The following RUFY4 variants were observed in gnomAD, a reference collection of about 807,000 sequenced individuals.
The protein encoded by RUFY4 is RUN and FYVE domain-containing protein 4.
Under a neutral mutation model 69.0 loss-of-function variants are expected in RUFY4, and 73 were observed. The ratio of observed to expected loss-of-function variants is 1.06; its 90% CI spans 0.88 to 1.29. The LOEUF (loss-of-function observed/expected upper bound fraction) is 1.29, where lower values mean the gene tolerates loss of function less well. RUFY4 is among the 50% of genes most tolerant of loss of function. The pLI, the probability that RUFY4 is intolerant of heterozygous loss-of-function variation, is 0.00. For synonymous variants in RUFY4, 287 were observed against 271.8 expected (o/e 1.06, Z -0.55); for missense variants, 770 against 705.6 (o/e 1.09, Z -1.03).
At chr2:218,053,295 A>G (rs969185875) in intron 2 of RUFY4, among the ~76,000 whole-genome samples, 1 of 152,018 alleles carries the variant, frequency 6.6e-6, no homozygotes, top group Non-Finnish European at 1.5e-5. Context: ...GGCTTATTTA[A>G]TATGTTTAAT....
upstream of RUFY4, among the ~76,000 whole-genome samples, chr2:218,064,617 T>G (rs1282884947): frequency 6.6e-6 from 1 of 152,020 alleles, no homozygotes; most frequent in Non-Finnish European, 1.5e-5. Context: ...AGGTGCAACT[T>G]GAGGCCAAGT....
exon 1 of RUFY4, chr2:218,070,616 A>G: frequency 6.5e-7 from 1 of 1,537,624 alleles, no homozygotes. Flanking sequence ...ATGGCAGAAG[A>G]GGGAGCCATC....
intron 8 of RUFY4, among the ~76,000 whole-genome samples, chr2:218,079,641 C>T (rs1289719017): frequency 1.3e-5 from 2 of 152,118 alleles, no homozygotes; most frequent in African/African-American, 4.8e-5. Flanking sequence ...ACAGCTGACC[C>T]TGAGGCTCAG....
exon 7 of RUFY4, chr2:218,075,588 G>T: frequency 1.3e-6 from 2 of 1,525,676 alleles, no homozygotes; most frequent in Non-Finnish European, 1.8e-6. Flanking sequence ...GCAGGGGTCG[G>T]GGGGCTCTAG....
At chr2:218,069,835 A>T (rs1176567837), upstream of RUFY4, among the ~76,000 whole-genome samples, 1 of 152,088 alleles carries the variant, frequency 6.6e-6, no homozygotes, top group African/African-American at 2.4e-5. Flanking sequence ...TAAGGCCACC[A>T]GCTGTCAGGG....
intron 5 of RUFY4, 137 bp downstream of exon 7, chr2:218,073,523 T>C (rs1689547462): frequency 2.4e-6 from 3 of 1,247,590 alleles, no homozygotes; most frequent in African/African-American, 1.5e-5. Flanking sequence ...CTTTGGATTC[T>C]TCTAGCCCTC....
chr2:218,078,411 C>A (rs1028507061), intron 8 of RUFY4, among the ~76,000 whole-genome samples: 4 of 152,078 alleles, frequency 2.6e-5, no homozygotes, highest in African/African-American at 9.7e-5. Context: ...TGATGGAGGA[C>A]GGGCAGGGCA....
chr2:218,089,620 G>A, intron 10 of RUFY4: 1 of 691,672 alleles, frequency 1.4e-6, no homozygotes, highest in South Asian at 1.5e-5. Context: ...TGAGAAATGG[G>A]CCTCTCATCT....
rs762490010 is a variant in RUFY4 at position 218,089,347 on chromosome 2, G to A, written c.1598G>A (p.Arg533Gln). 3.2e-5 allele frequency: 52 copies of A among 1,613,818 alleles called. No homozygotes were observed. The highest frequency in any genetic ancestry group is 2.1e-4 in the African/African-American group (16 of 75,010). The change falls in exon 10 of 11, where the codon CGG becomes CAG. Residue 533 changes from arginine to glutamine, a missense_variant. By Grantham distance (43) the Arg-to-Gln change is conservative. Transcript: ENST00000344321. ...AGCAAGATCTTTGGCCGATTTTCTCGGCGGTATCCATGCAGGTAAAGGGAA... is the reference window on the plus strand; with the variant it reads ...AGCAAGATCTTTGGCCGATTTTCTCAGCGGTATCCATGCAGGTAAAGGGAA...
chr2:218,054,505 A>G (rs1005121486), intron 2 of RUFY4, among the ~76,000 whole-genome samples: 6 of 151,516 alleles, frequency 4.0e-5, no homozygotes, highest in Admixed American at 2.6e-4. Context: ...CAGTGAGCCA[A>G]GATCACACAA....
intron 2 of RUFY4, among the ~76,000 whole-genome samples, chr2:218,049,696 C>T (rs1319723954): frequency 6.6e-6 from 1 of 151,946 alleles, no homozygotes; most frequent in East Asian, 1.9e-4. Flanking sequence ...TTAGTAGTGA[C>T]GGGGTTTCTC....
At chr2:218,037,173 A>G (rs1386048428) in intron 2 of RUFY4, among the ~76,000 whole-genome samples, 1 of 152,102 alleles carries the variant, frequency 6.6e-6, no homozygotes, top group Non-Finnish European at 1.5e-5. Context: ...ACAAAAAATT[A>G]GCCGGGCGTG....
At chr2:218,044,116 G>T (rs1316617697) in intron 2 of RUFY4, among the ~76,000 whole-genome samples, 1 of 152,170 alleles carries the variant, frequency 6.6e-6, no homozygotes, top group Non-Finnish European at 1.5e-5. Context: ...GAGGCCTTCT[G>T]GGGCCTCCAA....
intron 2 of RUFY4, among the ~76,000 whole-genome samples, chr2:218,046,259 A>T (rs550900112): frequency 1.5e-3 from 228 of 152,172 alleles, no homozygotes; most frequent in Middle Eastern, 6.8e-3. Flanking sequence ...AACTATAGTC[A>T]TTGGACAGTG....
At chr2:218,038,219 A>G (rs1397735822) in intron 2 of RUFY4, among the ~76,000 whole-genome samples, 1 of 152,192 alleles carries the variant, frequency 6.6e-6, no homozygotes, top group East Asian at 1.9e-4. Context: ...AACACCTTAG[A>G]ATTACAGCTG....
intron 3 of RUFY4, chr2:218,060,309 C>T (rs1213737277): frequency 1.3e-6 from 2 of 1,503,274 alleles, no homozygotes; most frequent in Non-Finnish European, 1.8e-6. Flanking sequence ...AAGGGAGGAA[C>T]CCCACGGGAC....
chr2:218,070,372 C>G (rs1056263180), upstream of RUFY4: 1 of 596,126 alleles, frequency 1.7e-6, no homozygotes, highest in Non-Finnish European at 3.0e-6. Flanking sequence ...TGTCGTCACC[C>G]AGGGACTGCT....
chr2:218,083,032 C>G, intron 8 of RUFY4, 78 bp from the exon 11 acceptor site: 4 of 1,426,532 alleles, frequency 2.8e-6, no homozygotes, highest in Non-Finnish European at 9.2e-7. Flanking sequence ...GGCTCCCTCT[C>G]TGGAAGAGGC....
intron 2 of RUFY4, among the ~76,000 whole-genome samples, chr2:218,045,961 C>T (rs1012259454): frequency 3.9e-5 from 6 of 152,098 alleles, no homozygotes; most frequent in African/African-American, 7.2e-5. Context: ...CCCGCCATGG[C>T]GCCCGGCTAA....
Sources: allele counts gnomAD v4.1 joint callset (sites outside exome capture counted in the v4.1 genomes callset), GRCh38; gene constraint gnomAD v4.1.1; transcripts MANE v1.5; gene names NCBI Gene and HGNC (gene_info 2026-07-23, HGNC 2026-07-21).